Variants in TUSC3 observed in about 807,000 individuals in gnomAD.
TUSC3 encodes dolichyl-diphosphooligosaccharide--protein glycosyltransferase subunit TUSC3.
In TUSC3, 45 loss-of-function variants were observed where a neutral mutation model predicts 44.8. The ratio of observed to expected loss-of-function variants is 1.00; its 90% CI spans 0.79 to 1.29. TUSC3 has a LOEUF of 1.29. Ranked by LOEUF, TUSC3 falls within the 50% of genes most tolerant of loss-of-function variation. The pLI is 0.00. For missense variants in TUSC3, 519 were observed against 437.9 expected (o/e 1.19, Z -1.65); for synonymous variants, 212 against 152.9 (o/e 1.39, Z -2.85).
chr8:15,446,118 G>T (rs1030184816), intron 1 of TUSC3, among the ~76,000 whole-genome samples: 5 of 149,260 alleles, frequency 3.3e-5, no homozygotes, highest in African/African-American at 1.2e-4. Context: ...ACACTCCTCA[G>T]ATCCCAGACG....
chr8:15,589,156 C>G (rs568519255), intron 1 of TUSC3, among the ~76,000 whole-genome samples: 4 of 152,070 alleles, frequency 2.6e-5, no homozygotes, highest in Non-Finnish European at 5.9e-5. Flanking sequence ...TTTCCATTTA[C>G]GTGGGATATA....
chr8:15,756,017 T>TAATTCTGTCAC (rs1443301217), intron 9 of TUSC3, among the ~76,000 whole-genome samples: 1 of 152,186 alleles, frequency 6.6e-6, no homozygotes, highest in Non-Finnish European at 1.5e-5. Context: ...ACATTTCTAG[T>TAATTCTGTCAC]AATTCTGTCA....
the TUSC3 span, among the ~76,000 whole-genome samples, chr8:15,780,465 G>C: frequency 6.6e-6 from 1 of 152,168 alleles, no homozygotes; most frequent in South Asian, 2.1e-4. Flanking sequence ...AAAAAGTGCA[G>C]TTTTGTATGG....
At chr8:15,839,637 C>G in the TUSC3 span, among the ~76,000 whole-genome samples, 2 of 152,188 alleles carry the variant, frequency 1.3e-5, no homozygotes, top group African/African-American at 4.8e-5. Context: ...TGCTCATCAT[C>G]ACTGGCCATC....
intron 2 of TUSC3, among the ~76,000 whole-genome samples, chr8:15,519,475 T>C (rs1420411248): frequency 6.6e-6 from 1 of 152,142 alleles, no homozygotes; most frequent in Non-Finnish European, 1.5e-5. Flanking sequence ...GTCCTTGGCC[T>C]ATTAGGAACC....
intron 1 of TUSC3, among the ~76,000 whole-genome samples, chr8:15,421,179 A>G (rs1585780740): frequency 6.6e-6 from 1 of 152,202 alleles, no homozygotes; most frequent in East Asian, 1.9e-4. Flanking sequence ...ACTTCCTTAT[A>G]GTTAACTTCC....
At chr8:15,638,407 A>G (rs1264256928) in intron 2 of TUSC3, among the ~76,000 whole-genome samples, 1 of 151,832 alleles carries the variant, frequency 6.6e-6, no homozygotes, top group African/African-American at 2.4e-5. Flanking sequence ...TCATTATCCT[A>G]CAGGAACTCA....
intron 1 of TUSC3, among the ~76,000 whole-genome samples, chr8:15,541,761 C>T (rs1490914795): frequency 6.6e-6 from 1 of 151,768 alleles, no homozygotes; most frequent in Non-Finnish European, 1.5e-5. Flanking sequence ...TTTTTTAGCA[C>T]TTGGTATTTG....
intron 2 of TUSC3, among the ~76,000 whole-genome samples, chr8:15,520,222 T>C (rs531127718): frequency 2.2e-4 from 34 of 152,338 alleles, no homozygotes; most frequent in African/African-American, 7.7e-4. Context: ...GAGTGAGACA[T>C]GGTCTCTGTC....
intron 6 of TUSC3, among the ~76,000 whole-genome samples, chr8:15,681,231 A>G (rs1808417953): frequency 6.7e-6 from 1 of 149,302 alleles, no homozygotes. Flanking sequence ...TTTTTTTGGA[A>G]TAGTTTCAGT....
chr8:15,761,662 C>A (rs1418646756), intron 10 of TUSC3, among the ~76,000 whole-genome samples: 1 of 152,212 alleles, frequency 6.6e-6, no homozygotes, highest in African/African-American at 2.4e-5. Context: ...GAGCGTGGAG[C>A]AGAGTCCACA....
chr8:15,621,087 C>T (rs987485858), intron 1 of TUSC3, among the ~76,000 whole-genome samples: 7 of 152,106 alleles, frequency 4.6e-5, no homozygotes, highest in African/African-American at 1.7e-4. Context: ...CAGTTCTCTT[C>T]TGCCCTCATT....
chr8:15,443,965 C>G (rs13260364), intron 1 of TUSC3, among the ~76,000 whole-genome samples: 3 of 151,894 alleles, frequency 2.0e-5, no homozygotes, highest in African/African-American at 7.3e-5. Flanking sequence ...TGGCTTCCCC[C>G]ACCCCACCAA....
intron 6 of TUSC3, among the ~76,000 whole-genome samples, chr8:15,718,581 C>T (rs1010141355): frequency 2.6e-5 from 4 of 152,086 alleles, no homozygotes; most frequent in African/African-American, 9.7e-5. Flanking sequence ...TAACGATACA[C>T]ATCTTCTAAA....
At chr8:15,513,620 G>C (rs75588604) in intron 2 of TUSC3, among the ~76,000 whole-genome samples, 4,883 of 152,180 alleles carry the variant, frequency 0.032, 238 homozygotes, top group African/African-American at 0.11. Context: ...TTTAATGGTG[G>C]TCAAGTGCTT....
intron 1 of TUSC3, among the ~76,000 whole-genome samples, chr8:15,457,986 C>T (rs1554503421): frequency 1.3e-5 from 2 of 151,652 alleles, no homozygotes; most frequent in Non-Finnish European, 1.5e-5. Flanking sequence ...CAGATAAACA[C>T]ATGCAACATA....
At chr8:15,814,593 T>G in the TUSC3 span, among the ~76,000 whole-genome samples, 18 of 152,308 alleles carry the variant, frequency 1.2e-4, no homozygotes, top group African/African-American at 3.6e-4. Context: ...TGCTCAGGAG[T>G]TGAATGAAAA....
At chr8:15,784,889 AAG>A in the TUSC3 span, among the ~76,000 whole-genome samples, 4 of 151,888 alleles carry the variant, frequency 2.6e-5, no homozygotes, top group African/African-American at 7.2e-5. Flanking sequence ...AATTTGCTAA[AAG>A]AGTAGATTTT....
At chr8:15,665,165 C>T (rs539912274) in intron 5 of TUSC3, among the ~76,000 whole-genome samples, 2 of 151,562 alleles carry the variant, frequency 1.3e-5, no homozygotes, top group African/African-American at 2.4e-5. Context: ...CTTACACAAA[C>T]TCTGATGAAA....
Sources: allele counts gnomAD v4.1 joint callset (sites outside exome capture counted in the v4.1 genomes callset), GRCh38; gene constraint gnomAD v4.1.1; transcripts MANE v1.5; gene names NCBI Gene and HGNC (gene_info 2026-07-23, HGNC 2026-07-21).